Variants in TMEM164 observed in about 807,000 individuals in gnomAD.
TMEM164 encodes the protein RP13-360B22.2.
TMEM164 carries 4 observed loss-of-function variants against 18.8 expected under a neutral mutation model. The observed-to-expected ratio is 0.21, with a 90% CI of 0.10 to 0.49. TMEM164 has a LOEUF of 0.49. Among genes scored for constraint, TMEM164 ranks in the 20% least tolerant of loss-of-function variants. The pLI, the probability that TMEM164 is intolerant of heterozygous loss-of-function variation, is 0.98. For missense variants in TMEM164, 108 were observed against 239.9 expected (o/e 0.45, Z 3.63); for synonymous variants, 86 against 101.7 (o/e 0.85, Z 0.93).
intron 5 of TMEM164, among the ~76,000 whole-genome samples, chrX:110,165,389 G>GT (rs1459927248): frequency 2.7e-5 from 3 of 113,115 alleles, no homozygotes; most frequent in Non-Finnish European, 5.6e-5. Context: ...GTTGGTGCAA[G>GT]TAATAGAGCA....
chrX:110,112,192 G>A (rs1361825561), intron 4 of TMEM164, among the ~76,000 whole-genome samples: 3 of 111,507 alleles, frequency 2.7e-5, no homozygotes, highest in Non-Finnish European at 5.6e-5. Flanking sequence ...AATTAGCTGG[G>A]CGTGGTGGCA....
chrX:110,124,172 AAGGAAGGC>A (rs1439147576), intron 4 of TMEM164, among the ~76,000 whole-genome samples: 2 of 83,964 alleles, frequency 2.4e-5, no homozygotes, highest in East Asian at 3.9e-4. Flanking sequence ...GGAAGGAAGG[AAGGAAGGC>A]AGGAAGGCAG....
Position 110,137,949 on chromosome X carries a change from G to A in TMEM164, c.508-6849G>A, listed in dbSNP as rs771086234. 4.5e-5 allele frequency among the ~76,000 whole-genome samples: 5 copies of A among 112,128 alleles called. No individual in the cohort carries two copies. In the East Asian group the frequency reaches 1.4e-3, roughly 31 times the overall value. ...GTGAGAAACTCTGGCCTATAGATAG[G>A]CCAAATGAATGGACTGATGTGGGGA... On this transcript the variant is annotated intron_variant, in intron 4 of 6. Transcript: ENST00000372068.
chrX:110,015,111 G>A (rs1933268454), intron 2 of TMEM164, among the ~76,000 whole-genome samples: 1 of 112,049 alleles, frequency 8.9e-6, no homozygotes, highest in Admixed American at 9.4e-5. Flanking sequence ...TCAAGACTGA[G>A]GTCTGGGGCC....
At chrX:110,130,946 TAGAA>T (rs1370953247) in intron 4 of TMEM164, among the ~76,000 whole-genome samples, 1 of 111,561 alleles carries the variant, frequency 9.0e-6, no homozygotes, top group Non-Finnish European at 1.9e-5. Flanking sequence ...AAGAAAGAAA[TAGAA>T]AGAAGTGACC....
In TMEM164 at chrX:110,173,334, C is replaced by G; in HGVS notation, c.777C>G (p.His259Gln). The G allele has an allele frequency of 1.7e-6, 2 of 1,211,870 alleles. No homozygotes were observed. Among genetic ancestry groups the G allele is most frequent in the Non-Finnish European group, 2.2e-6 (2 of 895,436 alleles). ...GPWYRIWASGHQTLMTMTHGK... is the reference protein window; with the variant it reads ...GPWYRIWASGQQTLMTMTHGK... The stretch of plus-strand genomic sequence containing the variant: ...GGTATCGCATCTGGGCCTCGGGACA[C>G]CAGACTCTCATGACCATGACCCACG... The change falls in exon 7 of 7, where the codon CAC (histidine) becomes CAG (glutamine). Residue 259 changes from histidine to glutamine, a missense_variant. Physicochemically the swap from His to Gln is conservative, Grantham distance 24 (BLOSUM62 0). Coordinates refer to ENST00000372068, the MANE Select transcript of TMEM164 (RefSeq NM_032227.4).
chrX:110,126,470 T>A (rs2066530325), intron 4 of TMEM164, among the ~76,000 whole-genome samples: 1 of 111,938 alleles, frequency 8.9e-6, no homozygotes, highest in Non-Finnish European at 1.9e-5. Flanking sequence ...CTACTGCCTT[T>A]CAGGATTCTT....
intron 5 of TMEM164, among the ~76,000 whole-genome samples, chrX:110,156,919 C>T (rs113871696): frequency 0.051 from 5,647 of 111,575 alleles, 362 homozygotes; most frequent in African/African-American, 0.17. Flanking sequence ...AGGAGAGGAA[C>T]ATAAACATTC....
At chrX:110,033,968 A>G (rs1934645082) in intron 2 of TMEM164, among the ~76,000 whole-genome samples, 1 of 105,638 alleles carries the variant, frequency 9.5e-6, no homozygotes, top group South Asian at 4.4e-4. Flanking sequence ...CCCCCGCCCC[A>G]CCGCCCACCC....
At chrX:110,083,842 G>C (rs1447211957) in intron 3 of TMEM164, among the ~76,000 whole-genome samples, 1 of 111,274 alleles carries the variant, frequency 9.0e-6, no homozygotes, top group Non-Finnish European at 1.9e-5. Context: ...TTTTGATTTT[G>C]TGTGTCTATG....
At chrX:110,113,124 C>A (rs1376448930) in intron 4 of TMEM164, among the ~76,000 whole-genome samples, 1 of 111,738 alleles carries the variant, frequency 8.9e-6, no homozygotes, top group Non-Finnish European at 1.9e-5. Context: ...CTAATACTTT[C>A]CAAATAAATG....
rs1180465152 is a variant in TMEM164, at chrX:110,169,140, G to A, written c.587-2280G>A. Among the ~76,000 whole-genome samples, 5 of 111,928 alleles carry A rather than the reference G, an allele frequency of 4.5e-5. No homozygotes were observed. In the Admixed American group the frequency reaches 4.7e-4, roughly 11 times the overall value. On this transcript the variant is annotated intron_variant, in intron 5 of 6. Transcript: ENST00000372068. ...TCACACTATATGTCCTAGAGTACAG[G>A]CAGCCGCCAAAGACCCATTTCCACT...
chrX:110,117,180 T>G (rs1291095408), intron 4 of TMEM164, among the ~76,000 whole-genome samples: 1 of 111,383 alleles, frequency 9.0e-6, no homozygotes, highest in Non-Finnish European at 1.9e-5. Flanking sequence ...AAGTAACTTG[T>G]ACAGGGGGGC....
At chrX:110,058,867 G>A (rs1257517587) in intron 2 of TMEM164, among the ~76,000 whole-genome samples, 1 of 108,757 alleles carries the variant, frequency 9.2e-6, no homozygotes, top group Non-Finnish European at 1.9e-5. Flanking sequence ...CTGACCTCAA[G>A]TGATCTGCCT....
chrX:110,093,402 C>T (rs2065963532), intron 3 of TMEM164, among the ~76,000 whole-genome samples: 1 of 111,830 alleles, frequency 8.9e-6, no homozygotes, highest in Non-Finnish European at 1.9e-5. Flanking sequence ...TCAACTTCTT[C>T]CTGGTTTACT....
chrX:110,008,329 C>T (rs920385156), intron 2 of TMEM164, among the ~76,000 whole-genome samples: 5 of 111,831 alleles, frequency 4.5e-5, no homozygotes, highest in Admixed American at 1.9e-4. Flanking sequence ...TTTCTGTTTT[C>T]CCCCTTGACT....
chrX:110,081,379 A>G (rs5942886), intron 3 of TMEM164, among the ~76,000 whole-genome samples: 52,499 of 110,133 alleles, frequency 0.48, 10,283 homozygotes, highest in Non-Finnish European at 0.62. Context: ...GTGCCTAGGC[A>G]TGGTGGGAAA....
intron 3 of TMEM164, among the ~76,000 whole-genome samples, chrX:110,084,295 G>T (rs751421923): frequency 1.0e-5 from 1 of 98,334 alleles, no homozygotes; most frequent in East Asian, 3.1e-4. Context: ...CTTGACATCA[G>T]GAGTTTGAGA....
chrX:110,096,812 G>C (rs2066028216), intron 3 of TMEM164, among the ~76,000 whole-genome samples: 1 of 111,507 alleles, frequency 9.0e-6, no homozygotes, highest in Non-Finnish European at 1.9e-5. Flanking sequence ...AGCCATCTTG[G>C]ACGGGCAAGT....
Sources: gnomAD v4.1 joint callset for allele counts (sites outside exome capture counted in the v4.1 genomes callset) on GRCh38, gnomAD v4.1.1 for gene constraint, MANE v1.5 for transcripts, NCBI Gene and HGNC (gene_info 2026-07-23, HGNC 2026-07-21) for gene names.